TRDN: variants seen among roughly 807,000 people sequenced by gnomAD.
The protein encoded by TRDN is triadin, also known as triadin in skeletal muscle.
A neutral mutation model predicts 149.7 loss-of-function variants in TRDN; 161 were observed. That is an observed-to-expected ratio of 1.08 (90% CI 0.95 to 1.23). The LOEUF (loss-of-function observed/expected upper bound fraction) is 1.23, where lower values mean the gene tolerates loss of function less well. Ranked by LOEUF, TRDN falls within the 50% of genes most tolerant of loss-of-function variation. The probability of loss-of-function intolerance (pLI) is 0.00; values close to 1 mark genes in which losing one functional copy is unlikely to be tolerated. For missense variants in TRDN, 896 were observed against 823.5 expected (o/e 1.09, Z -1.08); for synonymous variants, 294 against 250.5 (o/e 1.17, Z -1.64).
intron 19 of TRDN, 149 bp downstream of exon 19, chr6:123,375,456 A>T (rs1781469737): frequency 1.3e-5 from 8 of 603,250 alleles, no homozygotes; most frequent in Non-Finnish European, 2.8e-6. Flanking sequence ...GACAGGGATA[A>T]GTAATATTGC....
Position 123,224,121 on chromosome 6 carries a change from T to G in TRDN, c.1986A>C (p.Glu662Asp). 1 of 1,610,590 alleles carries G rather than the reference T, an allele frequency of 6.2e-7. No homozygotes were observed. The highest frequency in any genetic ancestry group is 8.5e-7 in the Non-Finnish European group (1 of 1,177,912). Residue 662 changes from glutamate (E) to aspartate (D), a missense_variant, in exon 39 of 41, where the codon GAA becomes GAC. By Grantham distance (45) the Glu-to-Asp change is conservative (BLOSUM62 2). Transcript: ENST00000334268. ...TAGCTTTCTTTGAAGCTGGTACATC[T>G]TCAACATCTTCTAGAGTACAGAAAA... ...EKPARVSKDV[E>D]DVPASKKAKE... is the part of the protein sequence containing the mutation.
At chr6:123,353,185 A>T (rs1391106031) in intron 20 of TRDN, among the ~76,000 whole-genome samples, 1 of 151,882 alleles carries the variant, frequency 6.6e-6, no homozygotes, top group Non-Finnish European at 1.5e-5. Flanking sequence ...ATTCATTTGG[A>T]ATCAGTGCAC....
At chr6:123,515,998 TC>T (rs1403811857) in intron 6 of TRDN, 142 bp downstream of exon 6, 2 of 925,892 alleles carry the variant, frequency 2.2e-6, no homozygotes, top group African/African-American at 1.7e-5. Flanking sequence ...ATCCAGAAAT[TC>T]CTTTTTTCAG....
intron 5 of TRDN, among the ~76,000 whole-genome samples, chr6:123,524,038 A>G (rs1160900503): frequency 1.3e-5 from 2 of 152,158 alleles, no homozygotes; most frequent in Non-Finnish European, 2.9e-5. Context: ...AAACCCTGGC[A>G]TTACTTCTCA....
chr6:123,304,603 G>GT (rs35663238), intron 24 of TRDN, among the ~76,000 whole-genome samples: 2 of 151,858 alleles, frequency 1.3e-5, no homozygotes, highest in East Asian at 1.9e-4. Context: ...ACTTATGCAA[G>GT]TTTTTTTTAT....
chr6:123,285,181 G>GAAA (rs560543527), intron 24 of TRDN, among the ~76,000 whole-genome samples: 1 of 150,530 alleles, frequency 6.6e-6, no homozygotes, highest in African/African-American at 2.4e-5. Flanking sequence ...CACAGAACTA[G>GAAA]AAAAAAAAAT....
intron 12 of TRDN, among the ~76,000 whole-genome samples, chr6:123,436,542 C>T (rs1282651295): frequency 6.6e-6 from 1 of 152,078 alleles, no homozygotes; most frequent in Non-Finnish European, 1.5e-5. Context: ...TTGCTGCTTG[C>T]TAATCATAAT....
At chr6:123,506,977 C>T (rs1209599361) in intron 7 of TRDN, among the ~76,000 whole-genome samples, 1 of 152,036 alleles carries the variant, frequency 6.6e-6, no homozygotes, top group Admixed American at 6.6e-5. Context: ...TTTTGTATCA[C>T]CATAGTGTCT....
At chr6:123,431,670 A>G (rs1331665397) in intron 12 of TRDN, among the ~76,000 whole-genome samples, 1 of 152,212 alleles carries the variant, frequency 6.6e-6, no homozygotes, top group Non-Finnish European at 1.5e-5. Flanking sequence ...CTTAACATGA[A>G]TACATATGAA....
At chr6:123,306,856 T>C (rs568119291) in intron 24 of TRDN, among the ~76,000 whole-genome samples, 3 of 151,868 alleles carry the variant, frequency 2.0e-5, no homozygotes, top group South Asian at 4.2e-4. Context: ...TTACTTCAAA[T>C]GCATGTCATG....
At chr6:123,345,144 T>C (rs1234565878) in intron 21 of TRDN, among the ~76,000 whole-genome samples, 1 of 152,078 alleles carries the variant, frequency 6.6e-6, no homozygotes, top group Admixed American at 6.6e-5. Context: ...AAATCTTCTA[T>C]GTTATTTCCC....
At chr6:123,298,099 C>T (rs1009516021) in intron 24 of TRDN, among the ~76,000 whole-genome samples, 2 of 151,910 alleles carry the variant, frequency 1.3e-5, no homozygotes, top group African/African-American at 4.8e-5. Flanking sequence ...GAGCTAAGAG[C>T]ATTGTTTTAA....
Position 123,272,992 on chromosome 6 carries a change from T to TAGAA in TRDN, c.1643_1644insTTCT (p.Glu549SerfsTer9). On this transcript the variant is annotated frameshift_variant, in exon 29 of 41. Coordinates refer to ENST00000334268, the MANE Select transcript of TRDN (RefSeq NM_006073.4). LOFTEE classifies it high-confidence loss of function. ...GTTTACCATGAGAAACAGTCTTTTC[T>TAGAA]GGTTTCACTATGTCTTGTTCTGAAA... The TAGAA allele has an allele frequency of 6.5e-7, 1 of 1,528,652 alleles. No individual in the cohort carries two copies. The highest frequency in any genetic ancestry group is 8.8e-7 in the Non-Finnish European group (1 of 1,138,662). 94.7% of individuals were successfully genotyped at this position (1,528,652 alleles called of 1,614,324 possible).
At chr6:123,324,406 G>C (rs966613978) in intron 23 of TRDN, among the ~76,000 whole-genome samples, 1 of 152,086 alleles carries the variant, frequency 6.6e-6, no homozygotes, top group Non-Finnish European at 1.5e-5. Context: ...CTTGAGCCCA[G>C]GAGTTTGAGG....
At chr6:123,395,356 G>T (rs555530145) in intron 12 of TRDN, among the ~76,000 whole-genome samples, 174 of 152,184 alleles carry the variant, frequency 1.1e-3, no homozygotes, top group Admixed American at 5.4e-3. Context: ...CAGACTGTTT[G>T]GTTTCTCTGT....
Position 123,346,801 on chromosome 6 carries a change from T to C in TRDN, c.1369+5738A>G, listed in dbSNP as rs146517192. Among the ~76,000 whole-genome samples the C allele has an allele frequency of 4.3e-3, 660 of 152,112 alleles. 3 individuals are homozygous for C. Among genetic ancestry groups the C allele is most frequent in the Non-Finnish European group, 6.6e-3 (446 of 67,970 alleles). On this transcript the variant is annotated intron_variant, in intron 21 of 40. Transcript: ENST00000334268. ...ATTGTGTGGAGTTCGAACTGTGTTGTGATGCAACCACATAGACAGATTAAA... is the reference window on the plus strand; with the variant it reads ...ATTGTGTGGAGTTCGAACTGTGTTGCGATGCAACCACATAGACAGATTAAA...
At chr6:123,352,762 A>G (rs771813967) in intron 20 of TRDN, among the ~76,000 whole-genome samples, 176 bp from the exon 21 acceptor site, 2 of 151,960 alleles carry the variant, frequency 1.3e-5, no homozygotes, top group Non-Finnish European at 2.9e-5. Context: ...TTTTATATCT[A>G]AAGAATTAAA....
chr6:123,610,818 ATTAAGT>A (rs1482388217), intron 1 of TRDN, among the ~76,000 whole-genome samples: 1 of 152,214 alleles, frequency 6.6e-6, no homozygotes, highest in Non-Finnish European at 1.5e-5. Flanking sequence ...AAAAAACTGC[ATTAAGT>A]TTATTTGAGC....
chr6:123,304,758 T>G (rs1778549131), intron 24 of TRDN, among the ~76,000 whole-genome samples: 1 of 152,136 alleles, frequency 6.6e-6, no homozygotes, highest in Admixed American at 6.6e-5. Context: ...ATAAAGAAAC[T>G]GATGGATCCA....
Sources: gnomAD v4.1 joint callset for allele counts (sites outside exome capture counted in the v4.1 genomes callset) on GRCh38, gnomAD v4.1.1 for gene constraint, MANE v1.5 for transcripts, NCBI Gene and HGNC (gene_info 2026-07-23, HGNC 2026-07-21) for gene names.